The following FAM120C variants were observed in gnomAD, a reference collection of about 807,000 sequenced individuals.
FAM120C encodes the protein family with sequence similarity 120 member C, also known as constitutive coactivator of PPAR-gamma-like protein 2.
FAM120C carries 14 observed loss-of-function variants against 71.2 expected under a neutral mutation model. The observed-to-expected ratio is 0.20, with a 90% CI of 0.13 to 0.31. The LOEUF (loss-of-function observed/expected upper bound fraction) is 0.31, where lower values mean the gene tolerates loss of function less well. Ranked by LOEUF, FAM120C falls within the 10% of genes least tolerant of loss-of-function variation. The probability of loss-of-function intolerance (pLI) is 1.00; values close to 1 mark genes in which losing one functional copy is unlikely to be tolerated. For synonymous variants in FAM120C, 354 were observed against 353.2 expected (o/e 1.00, Z -0.03); for missense variants, 500 against 879.0 (o/e 0.57, Z 5.45).
chrX:54,076,765 C>A (rs1397196659), intron 15 of FAM120C, among the ~76,000 whole-genome samples: 2 of 111,964 alleles, frequency 1.8e-5, no homozygotes, highest in African/African-American at 6.5e-5. Context: ...GCACTTAGAA[C>A]ATATGTGTTT....
rs1215323220 is a variant in FAM120C, at chrX:54,071,617, C to A, written c.*1416G>T. ...AAATGGTAGTCACCTCCCATCCCCC[C>A]TTTTCTCTCCAAACCTTCATAAGGA... is the stretch of plus-strand genomic sequence containing the variant. On this transcript the variant is annotated 3_prime_UTR_variant, in exon 16 of 16. Transcript: ENST00000375180. The A allele has an allele frequency of 1.8e-5, 2 of 111,960 alleles. No homozygotes were observed. The highest frequency in any genetic ancestry group is 3.7e-4 in the South Asian group (1 of 2,708). 9.2% of individuals were successfully genotyped at this position (111,960 alleles called of 1,213,427 possible).
At chrX:54,128,642 T>C (rs1360410748) in intron 9 of FAM120C, among the ~76,000 whole-genome samples, 1 of 111,465 alleles carries the variant, frequency 9.0e-6, no homozygotes, top group Admixed American at 9.5e-5. Flanking sequence ...TTTGTGTCCC[T>C]GGGTACTTGA....
intron 1 of FAM120C, among the ~76,000 whole-genome samples, chrX:54,178,144 T>C (rs2067328420): frequency 2.7e-5 from 3 of 111,972 alleles, no homozygotes; most frequent in African/African-American, 9.7e-5. Flanking sequence ...TTTTTGTTTT[T>C]CAAAGATTAT....
intron 4 of FAM120C, among the ~76,000 whole-genome samples, chrX:54,143,737 TAAG>T (rs1480300676): frequency 9.0e-6 from 1 of 111,639 alleles, no homozygotes; most frequent in Non-Finnish European, 1.9e-5. Flanking sequence ...ACCAGAGGTA[TAAG>T]GAGGAGCTGG....
In FAM120C at chrX:54,151,341, A is replaced by G. The variant is rs373870126; in HGVS notation, c.1062T>C (p.Cys354=). The stretch of plus-strand genomic sequence containing the variant: ...CAGAAACAGCCTTGATCACCACGTC[A>G]CAGGGAGGAAGAACCAGCTGATGAG... ...VRAHQLVLPP[C]DVVIKAVSEY... Residue 354 remains cysteine, a synonymous_variant, in exon 4 of 16, where the codon TGT becomes TGC. Transcript: ENST00000375180. 6 of 1,208,736 alleles carry G rather than the reference A, an allele frequency of 5.0e-6. No individual in the cohort carries two copies. Among genetic ancestry groups the G allele is most frequent in the Non-Finnish European group, 6.7e-6 (6 of 894,860 alleles).
At chrX:54,161,781 GCCA>G (rs1484445681) in intron 1 of FAM120C, among the ~76,000 whole-genome samples, 1 of 112,086 alleles carries the variant, frequency 8.9e-6, no homozygotes, top group Non-Finnish European at 1.9e-5. Context: ...ACGGGCGCAT[GCCA>G]CCACACCTGG....
intron 12 of FAM120C, among the ~76,000 whole-genome samples, chrX:54,087,390 CAA>C (rs371884994): frequency 1.1e-5 from 1 of 89,732 alleles, no homozygotes. Context: ...AGCTCCTTTA[CAA>C]AAAAAAAAAA....
At chrX:54,103,797 G>A (rs781981532) in intron 10 of FAM120C, among the ~76,000 whole-genome samples, 27 of 107,457 alleles carry the variant, frequency 2.5e-4, no homozygotes, top group African/African-American at 8.8e-4. Context: ...GCAGGACCAA[G>A]ATATATCTTA....
chrX:54,137,371 A>G (rs1483047018), intron 4 of FAM120C, among the ~76,000 whole-genome samples: 2 of 112,106 alleles, frequency 1.8e-5, no homozygotes, highest in African/African-American at 6.5e-5. Flanking sequence ...GGCTTACAGT[A>G]TTATTTTGTA....
intron 15 of FAM120C, among the ~76,000 whole-genome samples, chrX:54,078,315 C>T (rs902382073): frequency 4.5e-5 from 5 of 110,786 alleles, no homozygotes; most frequent in African/African-American, 6.5e-5. Flanking sequence ...CCCTGAATCG[C>T]GGTGAATTCA....
intron 8 of FAM120C, among the ~76,000 whole-genome samples, chrX:54,133,211 TG>T (rs1306100313): frequency 8.9e-6 from 1 of 111,877 alleles, no homozygotes; most frequent in Admixed American, 9.5e-5. Flanking sequence ...TGGTGGCAGG[TG>T]CCTGTAGTCC....
intron 4 of FAM120C, among the ~76,000 whole-genome samples, chrX:54,144,211 C>A (rs1557132108): frequency 9.0e-6 from 1 of 111,378 alleles, no homozygotes. Context: ...CAATATCATA[C>A]TGAATGGGCA....
intron 4 of FAM120C, among the ~76,000 whole-genome samples, chrX:54,143,859 C>G (rs781814025): frequency 1.8e-3 from 200 of 111,040 alleles, no homozygotes; most frequent in African/African-American, 6.1e-3. Flanking sequence ...AGAGACACAA[C>G]AAAAAAAGAA....
chrX:54,177,052 T>C (rs1318025977), intron 1 of FAM120C, among the ~76,000 whole-genome samples: 3 of 110,550 alleles, frequency 2.7e-5, no homozygotes, highest in African/African-American at 9.9e-5. Flanking sequence ...ATAAGAAAAA[T>C]ACTATGAGAG....
rs781876623 is a variant in FAM120C, at chrX:54,070,415, G to T, written c.*2618C>A. Reference sequence around the variant, plus strand: ...AAATAAGAAATTTTCTTAATGGTGTGAGAGTTAACAATACTGTCATTTGAT... The same window carrying T: ...AAATAAGAAATTTTCTTAATGGTGTTAGAGTTAACAATACTGTCATTTGAT... On this transcript the variant is annotated 3_prime_UTR_variant, in exon 16 of 16. Coordinates refer to ENST00000375180, the MANE Select transcript of FAM120C (RefSeq NM_017848.6). 8.9e-6 allele frequency: 1 copy of T among 112,410 alleles called. No individual in the cohort carries two copies. The highest frequency in any genetic ancestry group is 3.7e-4 in the South Asian group (1 of 2,714). 9.3% of individuals were successfully genotyped at this position (112,410 alleles called of 1,213,427 possible).
At chrX:54,105,202 T>C (rs1466086731) in intron 10 of FAM120C, among the ~76,000 whole-genome samples, 2 of 111,719 alleles carry the variant, frequency 1.8e-5, no homozygotes, top group East Asian at 2.8e-4. Context: ...TCAAAAACCT[T>C]GTCCACCACG....
Position 54,081,515 on chromosome X carries a change from T to C in FAM120C, c.2840-55A>G, listed in dbSNP as rs1015429232. The C allele has an allele frequency of 1.5e-4, 175 of 1,150,359 alleles. No homozygotes were observed. The Middle Eastern group carries it at 5.0e-3, about 33-fold the overall frequency. The allele number at this position is 1,150,359 out of a possible 1,213,427, so 94.8% of individuals were successfully genotyped here. On this transcript the variant is annotated intron_variant, in intron 13 of 15. Coordinates refer to ENST00000375180, the MANE Select transcript of FAM120C (RefSeq NM_017848.6). Reference sequence around the variant, plus strand: ...GGCCAGGTGTGGTGGTTCACGCCTGTAATCCCAAAACTTTGGGAGGCTGAG... The same window carrying C: ...GGCCAGGTGTGGTGGTTCACGCCTGCAATCCCAAAACTTTGGGAGGCTGAG...
intron 10 of FAM120C, among the ~76,000 whole-genome samples, chrX:54,111,931 T>C (rs782342650): frequency 1.5e-4 from 17 of 112,134 alleles, no homozygotes; most frequent in East Asian, 2.8e-4. Flanking sequence ...GGCATAAAAA[T>C]AGACACATAG....
intron 1 of FAM120C, chrX:54,173,728 TGTA>T (rs1326722237): frequency 7.5e-6 from 1 of 133,123 alleles, no homozygotes; most frequent in African/African-American, 3.1e-5. Context: ...TTTGCACAGA[TGTA>T]GGAGAAATAT....
Sources: gnomAD v4.1 joint callset for allele counts (sites outside exome capture counted in the v4.1 genomes callset) on GRCh38, gnomAD v4.1.1 for gene constraint, MANE v1.5 for transcripts, NCBI Gene and HGNC (gene_info 2026-07-23, HGNC 2026-07-21) for gene names.